FBLN2: variants seen among roughly 807,000 people sequenced by gnomAD.
FBLN2 encodes the protein fibulin-2.
In FBLN2, 81 loss-of-function variants were observed where a neutral mutation model predicts 123.7. That is an observed-to-expected ratio of 0.65 (90% CI 0.55 to 0.79). The LOEUF is 0.79. Among genes scored for constraint, FBLN2 ranks in the 30% least tolerant of loss-of-function variants. The pLI, the probability that FBLN2 is intolerant of heterozygous loss-of-function variation, is 0.00. For missense variants in FBLN2, 1,603 were observed against 1,681.3 expected (o/e 0.95, Z 0.81); for synonymous variants, 699 against 701.4 (o/e 1.00, Z 0.05).
chr3:13,617,610 T>TCCATCCATCCATCCAC (rs1705670873), intron 5 of FBLN2, among the ~76,000 whole-genome samples: 2 of 112,794 alleles, frequency 1.8e-5, no homozygotes, highest in Non-Finnish European at 3.5e-5. Flanking sequence ...CATCCATCCA[T>TCCATCCATCCATCCAC]CCATCCATCC....
At chr3:13,635,375 T>TACACACAC (rs3836364) in intron 16 of FBLN2, among the ~76,000 whole-genome samples, 201 of 149,190 alleles carry the variant, frequency 1.3e-3, no homozygotes, top group Non-Finnish European at 2.1e-3. Flanking sequence ...GCCTGTGGGT[T>TACACACAC]ACACACACAC....
At chr3:13,568,669 GA>G (rs1703822716) in intron 1 of FBLN2, 7 of 75,162 alleles carry the variant, frequency 9.3e-5, no homozygotes, top group Non-Finnish European at 1.2e-4. Context: ...GCCCTCCTCA[GA>G]GAAGCCCTCC....
rs199935173 is a variant in FBLN2 at position 13,609,563 on chromosome 3, T to G, written c.1469T>G (p.Met490Arg). The G allele has an allele frequency of 2.1e-5, 33 of 1,554,472 alleles. No individual in the cohort carries two copies. The African/African-American group carries it at 4.0e-4, about 19-fold the overall frequency. ...CVSYLQEKSC[M>R]AGVLGAKEGE... Reference sequence around the variant, plus strand: ...TCCTACTTGCAGGAGAAGAGCTGCATGGCCGGCGTCCTGGGAGCCAAGGAG... The same window carrying G: ...TCCTACTTGCAGGAGAAGAGCTGCAGGGCCGGCGTCCTGGGAGCCAAGGAG... The change falls in exon 4 of 18, where the codon ATG becomes AGG. Residue 490 changes from methionine to arginine, a missense_variant. Coordinates refer to ENST00000404922, the MANE Select transcript of FBLN2 (RefSeq NM_001004019.2).
chr3:13,561,782 G>A (rs985409680), intron 1 of FBLN2, among the ~76,000 whole-genome samples: 4 of 152,198 alleles, frequency 2.6e-5, no homozygotes, highest in Non-Finnish European at 5.9e-5. Context: ...AGCACCTGCA[G>A]TGGGCTGGCC....
chr3:13,596,966 C>CTGT (rs1704863665), intron 2 of FBLN2, among the ~76,000 whole-genome samples: 1 of 151,596 alleles, frequency 6.6e-6, no homozygotes, highest in African/African-American at 2.4e-5. Context: ...AGGTCTTGCT[C>CTGT]TGTTGCCCAG....
chr3:13,593,366 G>A (rs1380560111), intron 2 of FBLN2, among the ~76,000 whole-genome samples: 1 of 152,112 alleles, frequency 6.6e-6, no homozygotes, highest in African/African-American at 2.4e-5. Flanking sequence ...CCTGGGCTTT[G>A]GGGACAGGCA....
intron 1 of FBLN2, among the ~76,000 whole-genome samples, chr3:13,568,212 C>G (rs899836729): frequency 6.6e-6 from 1 of 152,178 alleles, no homozygotes; most frequent in African/African-American, 2.4e-5. Context: ...GCATGGGCTT[C>G]CATCTCCCTG....
intron 2 of FBLN2, among the ~76,000 whole-genome samples, chr3:13,586,842 G>C (rs1704522862): frequency 7.3e-6 from 1 of 136,266 alleles, no homozygotes; most frequent in South Asian, 2.4e-4. Context: ...AGATTTAAAA[G>C]TTAAAAAAAA....
At chr3:13,610,707 TC>T (rs905148363) in intron 4 of FBLN2, among the ~76,000 whole-genome samples, 1 of 152,062 alleles carries the variant, frequency 6.6e-6, no homozygotes, top group African/African-American at 2.4e-5. Context: ...ATGGAAAACT[TC>T]CTGGAACACT....
rs759905777 is a variant in FBLN2 at position 13,608,127 on chromosome 3, G to A, written c.1372G>A (p.Glu458Lys). Reference sequence around the variant, plus strand: ...ACAGCAGTGGGCCATTGACAATGACGAGTGCCTGGAGATCCCTGAGAGTGG... The same window carrying A: ...ACAGCAGTGGGCCATTGACAATGACAAGTGCCTGGAGATCCCTGAGAGTGG... ...AGQQWAIDND[E>K]CLEIPESGTE... Residue 458 changes from glutamate to lysine, a missense_variant, in exon 3 of 18, where the codon GAG becomes AAG. Physicochemically the swap from Glu to Lys is moderately conservative, Grantham distance 56 (BLOSUM62 1). Transcript: ENST00000404922. 13 of 1,598,300 alleles carry A rather than the reference G, an allele frequency of 8.1e-6. No individual in the cohort carries two copies. Among genetic ancestry groups the A allele is most frequent in the South Asian group, 8.0e-5 (7 of 87,738 alleles).
At position 13,636,473 on chromosome 3, in the gene FBLN2, C is replaced by T; in HGVS notation, c.3243C>T (p.His1081=). The change falls in exon 17 of 18, where the codon CAC becomes CAT. Residue 1081 remains histidine (H), a synonymous_variant. Transcript: ENST00000404922. ...TGGATGAGTGTGCACTGGGTACCCA[C>T]AACTGTTCCGAGGCTGAGACCTGCC... ...KDVDECALGT[H]NCSEAETCHN... is the part of the protein sequence containing the mutation. 1 of 1,613,710 alleles carries T rather than the reference C, an allele frequency of 6.2e-7. No homozygotes were observed. Among genetic ancestry groups the T allele is most frequent in the Non-Finnish European group, 8.5e-7 (1 of 1,179,762 alleles).
At chr3:13,596,681 T>G (rs145212527) in intron 2 of FBLN2, among the ~76,000 whole-genome samples, 4,356 of 152,210 alleles carry the variant, frequency 0.029, 70 homozygotes, top group Middle Eastern at 0.051. Context: ...CTTCTCAAAC[T>G]GAAACTCTGT....
rs1444330719 is a variant in FBLN2 at position 13,608,108 on chromosome 3, G to A, written c.1353G>A (p.Gln451=). 1 of 1,598,148 alleles carries A rather than the reference G, an allele frequency of 6.3e-7. No homozygotes were observed. Residue 451 remains glutamine (Q), a synonymous_variant, in exon 3 of 18, where the codon CAG becomes CAA. Coordinates refer to ENST00000404922, the MANE Select transcript of FBLN2 (RefSeq NM_001004019.2). ...LIETCCAAGQ[Q]WAIDNDECLE... Reference sequence around the variant, plus strand: ...AGACTTGCTGCGCAGCCGGACAGCAGTGGGCCATTGACAATGACGAGTGCC... The same window carrying A: ...AGACTTGCTGCGCAGCCGGACAGCAATGGGCCATTGACAATGACGAGTGCC...
chr3:13,571,269 A>G lies in FBLN2; in HGVS notation c.914A>G (p.Asp305Gly). 1 of 1,570,130 alleles carries G rather than the reference A, an allele frequency of 6.4e-7. No homozygotes were observed. The highest frequency in any genetic ancestry group is 8.6e-7 in the Non-Finnish European group (1 of 1,158,264). Residue 305 changes from aspartate (D) to glycine (G), a missense_variant, in exon 2 of 18, where the codon GAT (aspartate) becomes GGT (glycine). Asp to Gly is a moderately conservative substitution (Grantham distance 94). Coordinates refer to ENST00000404922, the MANE Select transcript of FBLN2 (RefSeq NM_001004019.2). ...QLAAGGHRGLDGLPTTAPAGP... is the reference protein window; with the variant it reads ...QLAAGGHRGLGGLPTTAPAGP... ...GCAGCAGGTGGCCACAGGGGGCTGGATGGGCTGCCCACTACAGCCCCAGCT... is the reference window on the plus strand; with the variant it reads ...GCAGCAGGTGGCCACAGGGGGCTGGGTGGGCTGCCCACTACAGCCCCAGCT...
chr3:13,616,132 T>A (rs992718698), intron 5 of FBLN2, among the ~76,000 whole-genome samples: 6 of 152,168 alleles, frequency 3.9e-5, no homozygotes, highest in African/African-American at 1.4e-4. Flanking sequence ...CCAACCACCC[T>A]TGCCAATCCA....
intron 2 of FBLN2, among the ~76,000 whole-genome samples, chr3:13,597,965 T>A (rs1704901387): frequency 6.6e-6 from 1 of 152,182 alleles, no homozygotes; most frequent in Admixed American, 6.5e-5. Context: ...CACCTGCGTC[T>A]CTCTTTCCAC....
At chr3:13,583,865 C>T (rs1364028312) in intron 2 of FBLN2, among the ~76,000 whole-genome samples, 1 of 152,210 alleles carries the variant, frequency 6.6e-6, no homozygotes, top group Non-Finnish European at 1.5e-5. Flanking sequence ...CGTCCTCTAG[C>T]CTGCCCCCCT....
intron 16 of FBLN2, among the ~76,000 whole-genome samples, chr3:13,633,787 A>T (rs1200540540): frequency 2.0e-5 from 3 of 152,202 alleles, no homozygotes; most frequent in African/African-American, 7.2e-5. Flanking sequence ...ACACTCCATG[A>T]AGGTAGGGCC....
At position 13,609,654 on chromosome 3, in the gene FBLN2, C is replaced by G; in HGVS notation, c.1548+12C>G. ...TCTCCCTGTACAAGGCAAGCCTGACCTGTGGCCTTCAAGGCAGGGTGGGGT... is the reference window on the plus strand; with the variant it reads ...TCTCCCTGTACAAGGCAAGCCTGACGTGTGGCCTTCAAGGCAGGGTGGGGT... On this transcript the variant is annotated intron_variant, in intron 4 of 17. Coordinates refer to ENST00000404922, the MANE Select transcript of FBLN2 (RefSeq NM_001004019.2). 1.2e-6 allele frequency: 1 copy of G among 835,440 alleles called. No individual in the cohort carries two copies. Among genetic ancestry groups the G allele is most frequent in the Non-Finnish European group, 1.7e-6 (1 of 589,004 alleles). The allele number at this position is 835,440 out of a possible 1,614,324, so 51.8% of individuals were successfully genotyped here.
Sources: allele counts gnomAD v4.1 joint callset (sites outside exome capture counted in the v4.1 genomes callset), GRCh38; gene constraint gnomAD v4.1.1; transcripts MANE v1.5; gene names NCBI Gene and HGNC (gene_info 2026-07-23, HGNC 2026-07-21).